The following CRB1 variants were observed in gnomAD, a reference collection of about 807,000 sequenced individuals.
CRB1 encodes protein crumbs homolog 1.
In CRB1, 83 loss-of-function variants were observed where a neutral mutation model predicts 120.0. That is an observed-to-expected ratio of 0.69 (90% CI 0.58 to 0.83). The LOEUF is 0.83. Ranked by LOEUF, CRB1 falls within the 40% of genes least tolerant of loss-of-function variation. The probability of loss-of-function intolerance (pLI) is 0.00; values close to 1 mark genes in which losing one functional copy is unlikely to be tolerated. For synonymous variants in CRB1, 625 were observed against 612.5 expected (o/e 1.02, Z -0.30); for missense variants, 1,699 against 1,687.6 (o/e 1.01, Z -0.12).
At chr1:197,438,417 C>A in intron 9 of CRB1, 130 bp from the exon 10 acceptor site, 1 of 1,092,244 alleles carries the variant, frequency 9.2e-7, no homozygotes, top group African/African-American at 1.6e-5. Flanking sequence ...CACAATTAAG[C>A]ATTTGTAGCT....
chr1:197,433,680 A>G (rs923337773), intron 8 of CRB1, among the ~76,000 whole-genome samples: 1 of 152,154 alleles, frequency 6.6e-6, no homozygotes, highest in Non-Finnish European at 1.5e-5. Context: ...GCAATTACAC[A>G]TATTTGTATA....
chr1:197,206,809 A>T, the CRB1 span, among the ~76,000 whole-genome samples: 1 of 152,044 alleles, frequency 6.6e-6, no homozygotes, highest in Non-Finnish European at 1.5e-5. Flanking sequence ...TGTCTTGATA[A>T]CCTGTCTAGT....
At chr1:197,405,267 G>A (rs1663293628) in intron 5 of CRB1, among the ~76,000 whole-genome samples, 1 of 152,120 alleles carries the variant, frequency 6.6e-6, no homozygotes, top group Non-Finnish European at 1.5e-5. Flanking sequence ...TGGTGGAGAC[G>A]GGGTTTCGCT....
intron 4 of CRB1, among the ~76,000 whole-genome samples, chr1:197,354,292 A>T (rs1205208525): frequency 6.6e-6 from 1 of 152,180 alleles, no homozygotes; most frequent in Non-Finnish European, 1.5e-5. Context: ...TCTAGGCATA[A>T]ACTGTAGGGT....
At chr1:197,240,522 C>T in the CRB1 span, among the ~76,000 whole-genome samples, 1 of 152,118 alleles carries the variant, frequency 6.6e-6, no homozygotes, top group African/African-American at 2.4e-5. Flanking sequence ...CCAGCTTCAT[C>T]CATGTCCCTG....
At chr1:197,238,821 G>A in the CRB1 span, among the ~76,000 whole-genome samples, 1 of 151,804 alleles carries the variant, frequency 6.6e-6, no homozygotes, top group South Asian at 2.1e-4. Context: ...TACAGCCTGG[G>A]CAACAAGAGC....
intron 5 of CRB1, among the ~76,000 whole-genome samples, 192 bp from the exon 6 acceptor site, chr1:197,420,808 T>G (rs1409015658): frequency 2.0e-5 from 3 of 152,204 alleles, no homozygotes; most frequent in African/African-American, 7.2e-5. Flanking sequence ...GACTGCATCT[T>G]TTTTCTTCAT....
chr1:197,262,217 T>TC, the CRB1 span, among the ~76,000 whole-genome samples: 3 of 152,278 alleles, frequency 2.0e-5, no homozygotes, highest in South Asian at 6.2e-4. Flanking sequence ...ATCAATAGTG[T>TC]CCACCAGTAA....
intron 6 of CRB1, among the ~76,000 whole-genome samples, chr1:197,424,127 G>T (rs1664464707): frequency 6.6e-6 from 1 of 152,094 alleles, no homozygotes; most frequent in African/African-American, 2.4e-5. Flanking sequence ...TAGTTTCCTA[G>T]ATATAGAAAA....
chr1:197,386,629 A>T (rs1403817279), intron 5 of CRB1, among the ~76,000 whole-genome samples: 1 of 152,162 alleles, frequency 6.6e-6, no homozygotes, highest in Non-Finnish European at 1.5e-5. Context: ...GTCAAAACGG[A>T]CTGCAAGAAA....
chr1:197,355,854 G>T (rs1270133430), intron 4 of CRB1, among the ~76,000 whole-genome samples: 1 of 152,360 alleles, frequency 6.6e-6, no homozygotes, highest in African/African-American at 2.4e-5. Context: ...ATGCAACGGT[G>T]GGCTGAAGGG....
At chr1:197,297,723 G>C (rs998593645) in intron 1 of CRB1, among the ~76,000 whole-genome samples, 4 of 152,124 alleles carry the variant, frequency 2.6e-5, no homozygotes, top group African/African-American at 9.6e-5. Context: ...GGCCCCTAAG[G>C]TCCAGTCATT....
At chr1:197,329,057 G>T (rs562121880) in intron 2 of CRB1, 54 bp downstream of exon 2, 15 of 1,459,964 alleles carry the variant, frequency 1.0e-5, no homozygotes, top group Non-Finnish European at 1.4e-5. Context: ...TTTCTAAGTG[G>T]CAGAAGCAGA....
chr1:197,385,133 G>A (rs1558098446), intron 5 of CRB1, among the ~76,000 whole-genome samples: 1 of 152,114 alleles, frequency 6.6e-6, no homozygotes, highest in East Asian at 1.9e-4. Context: ...TGCTGCTACT[G>A]CAAACTACCC....
At chr1:197,212,533 T>C in the CRB1 span, among the ~76,000 whole-genome samples, 2 of 152,262 alleles carry the variant, frequency 1.3e-5, no homozygotes, top group South Asian at 4.1e-4. Flanking sequence ...TTCTATCTGA[T>C]CAAAATTCTA....
intron 2 of CRB1, among the ~76,000 whole-genome samples, chr1:197,338,822 T>C (rs1659298252): frequency 6.6e-6 from 1 of 152,162 alleles, no homozygotes; most frequent in South Asian, 2.1e-4. Flanking sequence ...AAATTTTCTG[T>C]ATCATCAGAT....
the CRB1 span, among the ~76,000 whole-genome samples, chr1:197,203,737 G>C: frequency 6.6e-6 from 1 of 152,208 alleles, no homozygotes. Context: ...TTTTAAGTAT[G>C]TTGGTGCCAT....
At chr1:197,237,121 A>C in the CRB1 span, among the ~76,000 whole-genome samples, 1 of 151,850 alleles carries the variant, frequency 6.6e-6, no homozygotes, top group African/African-American at 2.4e-5. Flanking sequence ...AATGTTTGGT[A>C]GAAATTATCA....
intron 11 of CRB1, 104 bp downstream of exon 11, chr1:197,442,396 G>A (rs1450500943): frequency 1.2e-5 from 19 of 1,605,340 alleles, no homozygotes; most frequent in Non-Finnish European, 1.5e-5. Context: ...GTTGTTGAGT[G>A]GGGTGAACAG....
Sources: allele counts gnomAD v4.1 joint callset (sites outside exome capture counted in the v4.1 genomes callset), GRCh38; gene constraint gnomAD v4.1.1; transcripts MANE v1.5; gene names NCBI Gene and HGNC (gene_info 2026-07-23, HGNC 2026-07-21).